Variants in VRK2 observed in about 807,000 individuals in gnomAD.
VRK2 encodes the protein serine/threonine-protein kinase VRK2.
Under a neutral mutation model 57.6 loss-of-function variants are expected in VRK2, and 60 were observed. The observed-to-expected ratio is 1.04, with a 90% CI of 0.85 to 1.29. The LOEUF (loss-of-function observed/expected upper bound fraction) is 1.29. Among genes scored for constraint, VRK2 ranks in the 50% most tolerant of loss-of-function variants. The probability of loss-of-function intolerance (pLI) is 0.00; values close to 1 mark genes in which losing one functional copy is unlikely to be tolerated. For missense variants in VRK2, 705 were observed against 588.1 expected (o/e 1.20, Z -2.06); for synonymous variants, 231 against 199.2 (o/e 1.16, Z -1.35).
At chr2:58,146,163 G>C (rs1303857743) in intron 11 of VRK2, among the ~76,000 whole-genome samples, 153 bp from the exon 12 acceptor site, 1 of 151,996 alleles carries the variant, frequency 6.6e-6, no homozygotes, top group East Asian at 1.9e-4. Context: ...AACGACTATA[G>C]TTTTTCTGTA....
At chr2:57,973,139 C>CA (rs1321807799) in intron 1 of VRK2, among the ~76,000 whole-genome samples, 1 of 151,832 alleles carries the variant, frequency 6.6e-6, no homozygotes, top group African/African-American at 2.4e-5. Context: ...TTATCACCAG[C>CA]AATATATAAG....
At chr2:58,067,704 C>T (rs768597711) in intron 2 of VRK2, among the ~76,000 whole-genome samples, 17 of 152,102 alleles carry the variant, frequency 1.1e-4, no homozygotes, top group Non-Finnish European at 2.1e-4. Flanking sequence ...TGTATTATAT[C>T]TCCATTCATT....
At chr2:57,991,066 A>C (rs1558529172) in intron 1 of VRK2, among the ~76,000 whole-genome samples, 1 of 152,182 alleles carries the variant, frequency 6.6e-6, no homozygotes, top group Non-Finnish European at 1.5e-5. Context: ...TTAAACAAAA[A>C]AAAAACTTTA....
intron 7 of VRK2, among the ~76,000 whole-genome samples, chr2:58,096,201 A>T (rs1673100652): frequency 6.6e-6 from 1 of 152,036 alleles, no homozygotes; most frequent in African/African-American, 2.4e-5. Flanking sequence ...ATGTGATTTC[A>T]TATTGATATT....
intron 3 of VRK2, among the ~76,000 whole-genome samples, chr2:58,038,929 C>CA (rs986117279): frequency 1.3e-5 from 2 of 151,874 alleles, no homozygotes; most frequent in African/African-American, 2.4e-5. Context: ...TGGAATAAAA[C>CA]AAAAAAACCC....
intron 2 of VRK2, among the ~76,000 whole-genome samples, chr2:58,051,334 C>T (rs1212299789): frequency 6.6e-6 from 1 of 151,034 alleles, no homozygotes; most frequent in Non-Finnish European, 1.5e-5. Flanking sequence ...AAAAAGGCTC[C>T]AGTACTTCAG....
chr2:57,978,917 C>T (rs1672331502), intron 1 of VRK2, among the ~76,000 whole-genome samples: 1 of 150,756 alleles, frequency 6.6e-6, no homozygotes, highest in Admixed American at 6.6e-5. Context: ...GTTTTCTGTT[C>T]CTGTGTTAGT....
At chr2:58,078,312 G>A (rs1205857642) in intron 2 of VRK2, among the ~76,000 whole-genome samples, 4 of 152,016 alleles carry the variant, frequency 2.6e-5, no homozygotes, top group Non-Finnish European at 4.4e-5. Flanking sequence ...GTTCATTTAT[G>A]TTGTAGCATG....
chr2:58,054,050 G>C (rs1320567531), intron 2 of VRK2, among the ~76,000 whole-genome samples: 2 of 152,042 alleles, frequency 1.3e-5, no homozygotes, highest in African/African-American at 4.8e-5. Flanking sequence ...TCTATAAGAT[G>C]TATTTTAATT....
chr2:57,977,594 G>C (rs1312858419), intron 1 of VRK2, among the ~76,000 whole-genome samples: 1 of 145,254 alleles, frequency 6.9e-6, no homozygotes, highest in East Asian at 1.9e-4. Context: ...TACTGAAGTT[G>C]TTTATGTCCT....
chr2:58,016,199 A>T (rs1013554803), intron 1 of VRK2, among the ~76,000 whole-genome samples: 4 of 151,232 alleles, frequency 2.6e-5, no homozygotes, highest in African/African-American at 9.9e-5. Context: ...CAGTTTTGTT[A>T]TAAGGATAAA....
At chr2:58,139,913 A>G (rs994062816) in intron 11 of VRK2, 81 bp downstream of exon 11, 2 of 1,415,478 alleles carry the variant, frequency 1.4e-6, no homozygotes, top group South Asian at 1.5e-5. Flanking sequence ...AGGTCTCAAA[A>G]TGAGTCTGAC....
At chr2:57,957,406 T>C (rs1671619358) in intron 1 of VRK2, among the ~76,000 whole-genome samples, 1 of 152,038 alleles carries the variant, frequency 6.6e-6, no homozygotes, top group Non-Finnish European at 1.5e-5. Flanking sequence ...ACCCCATGCT[T>C]TGTCAGAGCA....
At position 58,139,779 on chromosome 2, in the gene VRK2, G is replaced by T. The variant is rs1294356946; in HGVS notation, c.970G>T (p.Asp324Tyr). 2 of 1,613,026 alleles carry T rather than the reference G, an allele frequency of 1.2e-6. No homozygotes were observed. The highest frequency in any genetic ancestry group is 1.7e-6 in the Non-Finnish European group (2 of 1,179,368). The stretch of plus-strand genomic sequence containing the variant: ...TCATGGAATACCTTTAGGACCACTG[G>T]ACTTTTCCACAAAAGGACAGAGTAT... ...NPHGIPLGPL[D>Y]FSTKGQSINV... The change falls in exon 11 of 13, where the codon GAC (aspartate) becomes TAC (tyrosine). Residue 324 changes from aspartate to tyrosine, a missense_variant. Asp to Tyr is a radical substitution (Grantham distance 160). Coordinates refer to ENST00000340157, the MANE Select transcript of VRK2 (RefSeq NM_006296.7).
chr2:57,922,781 A>G (rs1219100678), intron 1 of VRK2, among the ~76,000 whole-genome samples: 2 of 151,980 alleles, frequency 1.3e-5, no homozygotes, highest in Non-Finnish European at 2.9e-5. Flanking sequence ...TTTTTAATAC[A>G]TAATAAATTA....
intron 7 of VRK2, among the ~76,000 whole-genome samples, chr2:58,104,467 TA>T (rs1355016045): frequency 6.6e-6 from 1 of 150,678 alleles, no homozygotes; most frequent in Non-Finnish European, 1.5e-5. Flanking sequence ...TTACAGTAAC[TA>T]AAAAAATGAA....
intron 9 of VRK2, among the ~76,000 whole-genome samples, chr2:58,132,457 T>C (rs1194601141): frequency 6.6e-6 from 1 of 152,258 alleles, no homozygotes; most frequent in African/African-American, 2.4e-5. Context: ...TAAACATTTT[T>C]AATATTCTAC....
chr2:57,983,507 C>A (rs985190934), intron 1 of VRK2, among the ~76,000 whole-genome samples: 1 of 152,142 alleles, frequency 6.6e-6, no homozygotes, highest in Non-Finnish European at 1.5e-5. Flanking sequence ...TATGCTACCA[C>A]AACCCTGCCA....
At chr2:57,971,227 C>T (rs1172780552) in intron 1 of VRK2, among the ~76,000 whole-genome samples, 1 of 152,076 alleles carries the variant, frequency 6.6e-6, no homozygotes, top group South Asian at 2.1e-4. Flanking sequence ...TGCAAACTTG[C>T]AAGAGCCCTC....
Sources: gnomAD v4.1 joint callset for allele counts (sites outside exome capture counted in the v4.1 genomes callset) on GRCh38, gnomAD v4.1.1 for gene constraint, MANE v1.5 for transcripts, NCBI Gene and HGNC (gene_info 2026-07-23, HGNC 2026-07-21) for gene names.